The following IDO2 variants were observed in gnomAD, a reference collection of about 807,000 sequenced individuals.
IDO2 encodes indoleamine 2,3-dioxygenase-like 1 protein.
Under a neutral mutation model 45.1 loss-of-function variants are expected in IDO2, and 46 were observed. The ratio of observed to expected loss-of-function variants is 1.02; its 90% confidence interval spans 0.80 to 1.30. The LOEUF (loss-of-function observed/expected upper bound fraction) is 1.30. Ranked by LOEUF, IDO2 falls within the 50% of genes most tolerant of loss-of-function variation. IDO2 has a pLI of 0.00. For missense variants in IDO2, 544 were observed against 491.8 expected (o/e 1.11, Z -1.00); for synonymous variants, 218 against 184.9 (o/e 1.18, Z -1.45).
chr8:39,942,099 T>TA (rs1296377108), intron 1 of IDO2, among the ~76,000 whole-genome samples: 1 of 151,600 alleles, frequency 6.6e-6, no homozygotes, highest in African/African-American at 2.4e-5. Context: ...TTTCCAAAAA[T>TA]AAAAAATAAG....
intron 1 of IDO2, among the ~76,000 whole-genome samples, chr8:39,946,266 C>T (rs1028046652): frequency 2.0e-5 from 3 of 152,196 alleles, no homozygotes; most frequent in Non-Finnish European, 2.9e-5. Flanking sequence ...ATCTCTGACC[C>T]GTCAGCACTC....
intron 2 of IDO2, among the ~76,000 whole-genome samples, chr8:39,951,817 T>C (rs987415555): frequency 6.6e-6 from 1 of 152,200 alleles, no homozygotes; most frequent in African/African-American, 2.4e-5. Context: ...GTATTACAAA[T>C]GAGCTAAACA....
chr8:40,005,184 TC>T, intron 8 of IDO2, 142 bp from the exon 9 acceptor site: 1 of 486,416 alleles, frequency 2.1e-6, no homozygotes. Context: ...GAACATTCTA[TC>T]CCCCGTTGCT....
chr8:40,011,264 G>A (rs985815259), intron 9 of IDO2, among the ~76,000 whole-genome samples: 4 of 152,222 alleles, frequency 2.6e-5, no homozygotes, highest in African/African-American at 9.6e-5. Context: ...TTTGGGAATT[G>A]AGAGCAGTGA....
chr8:39,934,959 CA>C lies in IDO2; in HGVS notation c.-276del. Reference sequence around the variant, plus strand: ...ACACACTGGTTTGGAAATTTCAGTCCAGATGATAGTTAAGAAAGCAGTAAGA... The same window carrying C: ...ACACACTGGTTTGGAAATTTCAGTCCGATGATAGTTAAGAAAGCAGTAAGA... On this transcript the variant is annotated 5_prime_UTR_variant, in exon 1 of 11. The change abolishes the stop of an existing upstream ORF in the 5' untranslated region. Transcript: ENST00000502986. The C allele has an allele frequency of 3.2e-6, 2 of 623,122 alleles. No individual in the cohort carries two copies. The highest frequency in any genetic ancestry group is 2.9e-6 in the Non-Finnish European group (1 of 347,954). 38.6% of individuals were successfully genotyped at this position (623,122 alleles called of 1,614,324 possible).
At chr8:39,942,161 A>T (rs565114687) in intron 1 of IDO2, among the ~76,000 whole-genome samples, 1 of 152,364 alleles carries the variant, frequency 6.6e-6, no homozygotes, top group East Asian at 1.9e-4. Flanking sequence ...GAAAAATAAC[A>T]TTCCCTGTTA....
At chr8:39,954,444 T>C (rs1807858888) in intron 2 of IDO2, among the ~76,000 whole-genome samples, 2 of 152,214 alleles carry the variant, frequency 1.3e-5, no homozygotes, top group East Asian at 1.9e-4. Flanking sequence ...CCACAAACAG[T>C]TGGGCTTAAA....
intron 3 of IDO2, among the ~76,000 whole-genome samples, chr8:39,971,205 G>A (rs2129594101): frequency 6.6e-6 from 1 of 152,264 alleles, no homozygotes; most frequent in East Asian, 1.9e-4. Flanking sequence ...GCCCTTACCA[G>A]CTATGCTAAA....
intron 8 of IDO2, among the ~76,000 whole-genome samples, chr8:39,997,462 G>A (rs1802063650): frequency 6.6e-6 from 1 of 152,064 alleles, no homozygotes; most frequent in Admixed American, 6.6e-5. Context: ...CTTGAGCCCA[G>A]GAGTTTGAGA....
chr8:39,942,386 G>A (rs935605957), intron 1 of IDO2, among the ~76,000 whole-genome samples: 1 of 152,196 alleles, frequency 6.6e-6, no homozygotes, highest in Non-Finnish European at 1.5e-5. Context: ...GTTCACGCCT[G>A]TAATCCCAGC....
chr8:39,972,588 T>A (rs1314074553), intron 3 of IDO2, among the ~76,000 whole-genome samples: 2 of 98,132 alleles, frequency 2.0e-5, no homozygotes, highest in African/African-American at 8.3e-5. Flanking sequence ...CCAGCCCGGG[T>A]AACAGAGCAA....
intron 3 of IDO2, among the ~76,000 whole-genome samples, chr8:39,977,146 G>T: frequency 6.6e-6 from 1 of 152,054 alleles, no homozygotes; most frequent in East Asian, 1.9e-4. Flanking sequence ...AATACAAAAT[G>T]TATTCTATGA....
At chr8:39,989,397 C>T (rs570906419) in intron 7 of IDO2, among the ~76,000 whole-genome samples, 1 of 152,208 alleles carries the variant, frequency 6.6e-6, no homozygotes, top group Admixed American at 6.5e-5. Flanking sequence ...AAGGATGCCC[C>T]AGTTGGAGAT....
intron 3 of IDO2, among the ~76,000 whole-genome samples, chr8:39,966,621 T>C (rs1170286108): frequency 2.0e-5 from 3 of 152,192 alleles, no homozygotes; most frequent in African/African-American, 4.8e-5. Flanking sequence ...AACCACCTTG[T>C]CTTAGAATGT....
intron 10 of IDO2, 110 bp downstream of exon 10, chr8:40,013,823 A>G: frequency 1.1e-6 from 1 of 875,814 alleles, no homozygotes; most frequent in Admixed American, 3.3e-5. Context: ...CATGAAGTTT[A>G]TACTTCTCTA....
At chr8:39,990,069 T>A (rs1192761235) in intron 8 of IDO2, among the ~76,000 whole-genome samples, 2 of 152,214 alleles carry the variant, frequency 1.3e-5, no homozygotes, top group Non-Finnish European at 2.9e-5. Flanking sequence ...TAAGATGGTT[T>A]CCCTTCTGCA....
rs1554548619 is a variant in IDO2 at position 39,995,268 on chromosome 8, T to TTCTTCTTCTTCC, written c.667+5441_667+5442insCTCTTCTTCTTC. ...CTCCTTCTCCTTCTTCTTCTTCCTC[T>TTCTTCTTCTTCC]TCTTCTTCTTCTTCTTCTTCTTTTT... is the stretch of plus-strand genomic sequence containing the variant. On this transcript the variant is annotated intron_variant, in intron 8 of 10. Transcript: ENST00000502986. 228 of 93,932 alleles carry TTCTTCTTCTTCC rather than the reference T, an allele frequency of 2.4e-3. 4 individuals are homozygous for TTCTTCTTCTTCC. Among genetic ancestry groups the TTCTTCTTCTTCC allele is most frequent in the East Asian group, 8.5e-3 (32 of 3,786 alleles). The allele number at this position is 93,932 out of a possible 1,614,324, so 5.8% of individuals were successfully genotyped here.
At chr8:39,979,616 G>A (rs1585408965) in intron 4 of IDO2, among the ~76,000 whole-genome samples, 1 of 152,164 alleles carries the variant, frequency 6.6e-6, no homozygotes, top group Non-Finnish European at 1.5e-5. Flanking sequence ...GCTTCCCACA[G>A]TGCTGGGATT....
At chr8:39,975,483 A>AT (rs1334084127) in intron 3 of IDO2, among the ~76,000 whole-genome samples, 1 of 152,200 alleles carries the variant, frequency 6.6e-6, no homozygotes, top group Non-Finnish European at 1.5e-5. Context: ...TTCAACAGAC[A>AT]TTTTGTGGAA....
Sources: allele counts gnomAD v4.1 joint callset (sites outside exome capture counted in the v4.1 genomes callset), GRCh38; gene constraint gnomAD v4.1.1; transcripts MANE v1.5; gene names NCBI Gene and HGNC (gene_info 2026-07-23, HGNC 2026-07-21).